FBLIM1: variants seen among roughly 807,000 people sequenced by gnomAD.
FBLIM1 encodes filamin binding LIM protein 1, also known as filamin-binding LIM protein 1.
FBLIM1 carries 29 observed loss-of-function variants against 37.4 expected under a neutral mutation model. That is an observed-to-expected ratio of 0.77 (90% CI 0.58 to 1.06). The LOEUF is 1.06. Among genes scored for constraint, FBLIM1 ranks in the 50% least tolerant of loss-of-function variants. FBLIM1 has a pLI of 0.00. For missense variants in FBLIM1, 449 were observed against 505.6 expected (o/e 0.89, Z 1.07); for synonymous variants, 193 against 199.0 (o/e 0.97, Z 0.25).
At chr1:15,757,611 G>A (rs2068474576), upstream of FBLIM1, among the ~76,000 whole-genome samples, 1 of 152,112 alleles carries the variant, frequency 6.6e-6, no homozygotes, top group African/African-American at 2.4e-5. The surrounding 1 kb of genome is among the most constrained non-coding windows in gnomAD (Gnocchi z 4.1). Context: ...CTCAGAAACA[G>A]CCCCAGAGCC....
chr1:15,760,580 GT>G (rs1008124551), intron 1 of FBLIM1, among the ~76,000 whole-genome samples: 3 of 149,610 alleles, frequency 2.0e-5, no homozygotes, highest in Non-Finnish European at 4.4e-5. Flanking sequence ...GGCCCCAGAG[GT>G]TTTTTTGTTT....
At chr1:15,769,925 G>T (rs1270763796) in intron 5 of FBLIM1, among the ~76,000 whole-genome samples, 1 of 151,714 alleles carries the variant, frequency 6.6e-6, no homozygotes, top group Admixed American at 6.6e-5. Context: ...GAGCCACCGC[G>T]CCGGGCTCTT....
chr1:15,783,160 C>T (rs866121804), intron 8 of FBLIM1, among the ~76,000 whole-genome samples: 28 of 152,242 alleles, frequency 1.8e-4, no homozygotes, highest in East Asian at 1.7e-3. Context: ...AGTCTCTGCG[C>T]GCAAATTGTC....
At chr1:15,772,858 AT>A (rs1421465621) in intron 6 of FBLIM1, among the ~76,000 whole-genome samples, 3 of 152,054 alleles carry the variant, frequency 2.0e-5, no homozygotes, top group Non-Finnish European at 2.9e-5. Context: ...ATAGACCACA[AT>A]AACATGCGTG....
chr1:15,771,926 C>T (rs918032682), intron 6 of FBLIM1, among the ~76,000 whole-genome samples: 7 of 151,884 alleles, frequency 4.6e-5, no homozygotes, highest in African/African-American at 1.7e-4. Flanking sequence ...AGTAGAGCCA[C>T]AGGGTTCCAA....
intron 4 of FBLIM1, 123 bp downstream of exon 4, chr1:15,767,686 C>T (rs2068994813): frequency 1.0e-5 from 5 of 498,790 alleles, no homozygotes; most frequent in Admixed American, 4.2e-5. Context: ...TTCTTCTGCT[C>T]GGGGGCAGTC....
In FBLIM1 at chr1:15,784,544, C is replaced by T. The variant is rs1171861405; in HGVS notation, c.1009-4C>T. 6.8e-6 allele frequency: 11 copies of T among 1,613,194 alleles called. No homozygotes were observed. Among genetic ancestry groups the T allele is most frequent in the Non-Finnish European group, 9.3e-6 (11 of 1,179,406 alleles). ...CGGGTCAGCATGTGTCTTTGTCTCC[C>T]CAGGACTGCAGGATCCTCCTGTCTG... is the stretch of plus-strand genomic sequence containing the variant. On this transcript the variant is annotated splice_polypyrimidine_tract_variant and splice_region_variant and intron_variant, in intron 8 of 8. Transcript: ENST00000375766.
In FBLIM1 at chr1:15,774,637, G is replaced by A; in HGVS notation, c.731G>A (p.Gly244Asp). The change falls in exon 7 of 9, where the codon GGC (glycine) becomes GAC (aspartate). Residue 244 changes from glycine (G) to aspartate (D), a missense_variant. Transcript: ENST00000375766. ...TCCTAGGACACACTGGAGAGGTGCG[G>A]CAAGTGTGGCGAGGTGGTCCGGGAC... ...PCYQDTLERCGKCGEVVRDHI... is the reference protein window; with the variant it reads ...PCYQDTLERCDKCGEVVRDHI... The A allele has an allele frequency of 6.8e-6, 11 of 1,613,708 alleles. No homozygotes were observed. The highest frequency in any genetic ancestry group is 9.3e-6 in the Non-Finnish European group (11 of 1,179,892).
chr1:15,769,708 C>G (rs1179981919), intron 5 of FBLIM1, among the ~76,000 whole-genome samples: 2 of 151,900 alleles, frequency 1.3e-5, no homozygotes, highest in African/African-American at 4.8e-5. Context: ...GCGATCTTGG[C>G]TCATTGCAAC....
intron 6 of FBLIM1, among the ~76,000 whole-genome samples, chr1:15,770,801 G>A (rs902874660): frequency 1.4e-4 from 21 of 152,344 alleles, no homozygotes; most frequent in South Asian, 1.2e-3. Context: ...AGCAGTACAC[G>A]TTTATTCTGT....
In FBLIM1 at chr1:15,767,494, T is replaced by C. The variant is rs1428477676; in HGVS notation, c.369T>C (p.Ala123=). 2.2e-6 allele frequency: 3 copies of C among 1,393,318 alleles called. No homozygotes were observed. Among genetic ancestry groups the C allele is most frequent in the Admixed American group, 2.3e-5 (1 of 43,164 alleles). The allele number at this position is 1,393,318 out of a possible 1,614,324, so 86.3% of individuals were successfully genotyped here. ...VLLPSEEEAP[A]PMGASLIADL... The stretch of plus-strand genomic sequence containing the variant: ...TGCCTTCTGAAGAGGAGGCTCCTGC[T>C]CCAATGGGGGCCTCACTCATTGCAG... The change falls in exon 4 of 9, where the codon GCT becomes GCC. Residue 123 remains alanine (A), a synonymous_variant. Transcript: ENST00000375766.
chr1:15,772,176 A>G (rs2069248966), intron 6 of FBLIM1, among the ~76,000 whole-genome samples: 1 of 152,210 alleles, frequency 6.6e-6, no homozygotes, highest in African/African-American at 2.4e-5. Flanking sequence ...TCTCATGCAT[A>G]TAGAAGTTTG....
chr1:15,769,161 A>G (rs938804346), intron 5 of FBLIM1, among the ~76,000 whole-genome samples: 1 of 152,172 alleles, frequency 6.6e-6, no homozygotes, highest in Non-Finnish European at 1.5e-5. Context: ...TACATCTCAG[A>G]GCTGGTCACA....
chr1:15,761,215 G>A (rs2068660202), intron 1 of FBLIM1, among the ~76,000 whole-genome samples: 1 of 152,198 alleles, frequency 6.6e-6, no homozygotes, highest in Admixed American at 6.5e-5. Context: ...TTCTGGTCTG[G>A]ATTGGGCCAT....
In FBLIM1 at chr1:15,767,305, T is replaced by A. The variant is rs913534105; in HGVS notation, c.251-71T>A. The A allele has an allele frequency of 2.8e-6, 4 of 1,408,030 alleles. No individual in the cohort carries two copies. In the African/African-American group the frequency reaches 6.0e-5, roughly 21 times the overall value. The allele number at this position is 1,408,030 out of a possible 1,614,324, so 87.2% of individuals were successfully genotyped here. A position where few individuals can be genotyped will look rare whatever the true frequency, so the allele number is the denominator to read the frequency against. ...CCCTCAGCTTCCCTCTGTATGGCCA[T>A]GTAGGTAAGTAAAACCCTCCCAGGT... On this transcript the variant is annotated intron_variant, in intron 3 of 8. Transcript: ENST00000375766.
Position 15,770,509 on chromosome 1 carries a change from C to T in FBLIM1, c.642C>T (p.Cys214=), listed in dbSNP as rs1471937680. Reference sequence around the variant, plus strand: ...CCCAGTGCTTCACGTGCCGCACCTGCCGCCGCCAGCTGGCTGGGCAGAGCT... The same window carrying T: ...CCCAGTGCTTCACGTGCCGCACCTGTCGCCGCCAGCTGGCTGGGCAGAGCT... ...YHAQCFTCRT[C]RRQLAGQSFY... Residue 214 remains cysteine, a synonymous_variant, in exon 6 of 9, where the codon TGC becomes TGT. Coordinates refer to ENST00000375766, the MANE Select transcript of FBLIM1 (RefSeq NM_017556.4). 1 of 1,613,810 alleles carries T rather than the reference C, an allele frequency of 6.2e-7. No homozygotes were observed. Among genetic ancestry groups the T allele is most frequent in the African/African-American group, 1.3e-5 (1 of 74,880 alleles).
intron 1 of FBLIM1, among the ~76,000 whole-genome samples, chr1:15,763,634 T>G (rs2068784250): frequency 1.3e-5 from 2 of 150,962 alleles, no homozygotes; most frequent in Middle Eastern, 3.4e-3. Flanking sequence ...AGATTCCGTC[T>G]CAAAAAATAA....
Position 15,770,456 on chromosome 1 carries a change from G to A in FBLIM1, c.589G>A (p.Val197Met), listed in dbSNP as rs145772446. The change falls in exon 6 of 9, where the codon GTG becomes ATG. Residue 197 changes from valine to methionine, a missense_variant. Val to Met is a conservative substitution (Grantham distance 21, BLOSUM62 1). Transcript: ENST00000375766. ...HKTVSPRELA[V>M]EAMKRQYHAQ... ...GACCGTGTCCCCCCGAGAGCTGGCT[G>A]TGGAGGCCATGAAGAGGCAGTACCA... The A allele has an allele frequency of 3.1e-4, 499 of 1,613,280 alleles. 1 individual carries two copies. The highest frequency in any genetic ancestry group is 4.1e-4 in the Non-Finnish European group (480 of 1,179,674).
chr1:15,766,977 C>A (rs2068954843), intron 3 of FBLIM1, among the ~76,000 whole-genome samples: 1 of 149,934 alleles, frequency 6.7e-6, no homozygotes, highest in African/African-American at 2.4e-5. Flanking sequence ...GCAGCCTCAA[C>A]CTCTTGGGCT....
Sources: gnomAD v4.1 joint callset for allele counts (sites outside exome capture counted in the v4.1 genomes callset) on GRCh38, gnomAD v4.1.1 for gene constraint, Gnocchi (gnomAD v3.1) non-coding constraint, MANE v1.5 for transcripts, NCBI Gene and HGNC (gene_info 2026-07-23, HGNC 2026-07-21) for gene names.